Variants in ATP5ME observed in about 807,000 individuals in gnomAD.
ATP5ME encodes ATP synthase F(0) complex subunit e, mitochondrial.
A neutral mutation model predicts 11.6 loss-of-function variants in ATP5ME; 10 were observed. The observed-to-expected ratio is 0.86, with a 90% CI of 0.53 to 1.46. ATP5ME has a LOEUF of 1.46. Ranked by LOEUF, ATP5ME falls within the 40% of genes most tolerant of loss-of-function variation. ATP5ME has a pLI of 0.00. For missense variants in ATP5ME, 115 were observed against 85.4 expected (o/e 1.35, Z -1.37); for synonymous variants, 45 against 33.5 (o/e 1.34, Z -1.19).
intron 2 of ATP5ME, 109 bp from the exon 3 acceptor site, chr4:673,510 C>T (rs1738632030): frequency 6.4e-7 from 1 of 1,556,852 alleles, no homozygotes; most frequent in South Asian, 1.1e-5. Context: ...GACGCACCTG[C>T]TGTTCCCGCT....
At chr4:673,191 C>A in intron 3 of ATP5ME, 112 bp downstream of exon 3, 1 of 1,533,312 alleles carries the variant, frequency 6.5e-7, no homozygotes, top group South Asian at 1.2e-5. Context: ...CCAGCTTCCC[C>A]ATTTTTAAAC....
intron 1 of ATP5ME, 35 bp from the exon 2 acceptor site, chr4:674,001 G>T (rs1738655515): frequency 1.9e-6 from 3 of 1,540,202 alleles, no homozygotes; most frequent in Non-Finnish European, 2.6e-6. Flanking sequence ...GGCGCGAAAC[G>T]GGGCTCGCGG....
In ATP5ME at chr4:673,332, A is replaced by G. The variant is rs769709435; in HGVS notation, c.161T>C (p.Leu54Pro). 2.3e-5 allele frequency: 37 copies of G among 1,614,098 alleles called. No homozygotes were observed. Among genetic ancestry groups the G allele is most frequent in the Admixed American group, 3.3e-5 (2 of 60,006 alleles). Reference sequence around the variant, plus strand: ...TGCCAATTCTCTGGCAATCCGTTTCAGTTCATCCTGCTTCTTCTTCTCTTC... The same window carrying G: ...TGCCAATTCTCTGGCAATCCGTTTCGGTTCATCCTGCTTCTTCTTCTCTTC... ...AAEEKKKQDE[L>P]KRIARELAED... Residue 54 changes from leucine to proline, a missense_variant, in exon 3 of 4, where the codon CTG becomes CCG. Leu to Pro is a moderately conservative substitution (Grantham distance 98). Coordinates refer to ENST00000304312, the MANE Select transcript of ATP5ME (RefSeq NM_007100.4).
At chr4:673,170 A>T in intron 3 of ATP5ME, 133 bp downstream of exon 3, 1 of 1,417,094 alleles carries the variant, frequency 7.1e-7, no homozygotes, top group African/African-American at 1.4e-5. Context: ...GGCATGAGCC[A>T]CCACGCCTGG....
intron 1 of ATP5ME, 27 bp from the exon 2 acceptor site, chr4:673,993 C>T: frequency 6.5e-7 from 1 of 1,541,442 alleles, no homozygotes. Flanking sequence ...TCAGAGGCGG[C>T]GCGAAACGGG....
chr4:674,183 C>T, intron 1 of ATP5ME, 29 bp downstream of exon 1: 2 of 1,609,214 alleles, frequency 1.2e-6, no homozygotes, highest in Non-Finnish European at 1.7e-6. Context: ...GCCCAGAGCA[C>T]TGGGCGGCGG....
Position 673,971 on chromosome 4 carries a change from G to A in ATP5ME, c.37-5C>T. 6.5e-7 allele frequency: 1 copy of A among 1,544,696 alleles called. No individual in the cohort carries two copies. The highest frequency in any genetic ancestry group is 8.7e-7 in the Non-Finnish European group (1 of 1,146,718). ...CAGGGCGGAGTAGCGGCCGAGCTGCGAAAGAGGTTGGTCAGAGGCGGCGCG... is the reference window on the plus strand; with the variant it reads ...CAGGGCGGAGTAGCGGCCGAGCTGCAAAAGAGGTTGGTCAGAGGCGGCGCG... On this transcript the variant is annotated splice_polypyrimidine_tract_variant and splice_region_variant and intron_variant, in intron 1 of 3. Coordinates refer to ENST00000304312, the MANE Select transcript of ATP5ME (RefSeq NM_007100.4).
At chr4:674,170 G>T in intron 1 of ATP5ME, 42 bp downstream of exon 1, 1 of 1,602,732 alleles carries the variant, frequency 6.2e-7, no homozygotes, top group East Asian at 2.3e-5. Context: ...GGGACACGGG[G>T]GGGCCCAGAG....
intron 2 of ATP5ME, 36 bp from the exon 3 acceptor site, chr4:673,437 G>C (rs1475538040): frequency 1.2e-6 from 2 of 1,613,758 alleles, no homozygotes; most frequent in Non-Finnish European, 1.7e-6. Context: ...AAATTCACTG[G>C]AAATGCTGTA....
chr4:674,098 G>C (rs1457354946), intron 1 of ATP5ME, 114 bp downstream of exon 1: 9 of 1,462,578 alleles, frequency 6.2e-6, no homozygotes, highest in Non-Finnish European at 6.4e-6. Flanking sequence ...CGAGGGTCAC[G>C]GGGCGAGGAT....
chr4:674,035 G>C, intron 1 of ATP5ME, 69 bp from the exon 2 acceptor site: 1 of 1,520,446 alleles, frequency 6.6e-7, no homozygotes, highest in Non-Finnish European at 8.8e-7. Context: ...GGAGGAGGGG[G>C]GGCGGGGTCG....
intron 1 of ATP5ME, 119 bp downstream of exon 1, chr4:674,093 G>A: frequency 7.4e-7 from 1 of 1,344,170 alleles, no homozygotes; most frequent in Non-Finnish European, 1.0e-6. Context: ...CCGGGCGAGG[G>A]TCACGGGGCG....
At position 672,506 on chromosome 4, in the gene ATP5ME, T is replaced by A. The variant is rs370666900; in HGVS notation, c.204A>T (p.Leu68Phe). ...ARELAEDDSI[L>F]K ...GAGTGGGTCGCAGGGTCACTCACTTTAATATGCTGTCATCTTGGGCCGGAA... is the reference window on the plus strand; with the variant it reads ...GAGTGGGTCGCAGGGTCACTCACTTAAATATGCTGTCATCTTGGGCCGGAA... Residue 68 changes from leucine (L) to phenylalanine (F), a missense_variant, in exon 4 of 4, where the codon TTA becomes TTT. Transcript: ENST00000304312. 213 of 1,613,952 alleles carry A rather than the reference T, an allele frequency of 1.3e-4. No individual in the cohort carries two copies. Among genetic ancestry groups the A allele is most frequent in the Non-Finnish European group, 1.7e-4 (195 of 1,180,004 alleles).
intron 2 of ATP5ME, 57 bp downstream of exon 2, chr4:673,855 G>A: frequency 2.6e-6 from 4 of 1,537,538 alleles, no homozygotes; most frequent in African/African-American, 1.4e-5. Flanking sequence ...AAATAGCACA[G>A]GAGCTCCACA....
chr4:673,695 A>C, intron 2 of ATP5ME: 1 of 801,102 alleles, frequency 1.2e-6, no homozygotes, highest in Middle Eastern at 3.6e-4. Context: ...CGTTTTCACC[A>C]AGAAGCAGCC....
At chr4:673,070 G>A (rs1738599615) in intron 3 of ATP5ME, among the ~76,000 whole-genome samples, 1 of 152,176 alleles carries the variant, frequency 6.6e-6, no homozygotes, top group Non-Finnish European at 1.5e-5. Flanking sequence ...TTTTTGTAGA[G>A]ACAGGGTTGC....
At chr4:673,587 C>A in intron 2 of ATP5ME, 186 bp from the exon 3 acceptor site, 1 of 1,029,268 alleles carries the variant, frequency 9.7e-7, no homozygotes. Context: ...GCTACAGGGC[C>A]CCTGCTGCCC....
At chr4:674,014 C>G (rs1738656161) in intron 1 of ATP5ME, 48 bp from the exon 2 acceptor site, 1 of 874,360 alleles carries the variant, frequency 1.1e-6, no homozygotes, top group Non-Finnish European at 1.7e-6. Context: ...GCTCGCGGGA[C>G]GGGGGTCGCG....
At chr4:673,568 AACCCAGAGGCT>A in intron 2 of ATP5ME, 167 bp from the exon 3 acceptor site, 3 of 1,248,824 alleles carry the variant, frequency 2.4e-6, no homozygotes, top group Non-Finnish European at 3.3e-6. Context: ...TGACGAGTCC[AACCCAGAGGCT>A]ACAGGGCCCC....
Sources: gnomAD v4.1 joint callset for allele counts (sites outside exome capture counted in the v4.1 genomes callset) on GRCh38, gnomAD v4.1.1 for gene constraint, MANE v1.5 for transcripts, NCBI Gene and HGNC (gene_info 2026-07-23, HGNC 2026-07-21) for gene names.